IKZF1: variants seen among roughly 807,000 people sequenced by gnomAD.
The protein encoded by IKZF1 is IKAROS family zinc finger 1, also known as DNA-binding protein Ikaros.
Under a neutral mutation model 51.7 loss-of-function variants are expected in IKZF1, and 10 were observed. The ratio of observed to expected loss-of-function variants is 0.19; its 90% CI spans 0.12 to 0.33. The LOEUF (loss-of-function observed/expected upper bound fraction) is 0.33. IKZF1 is among the 10% of genes least tolerant of loss of function. The pLI is 1.00. For synonymous variants in IKZF1, 280 were observed against 282.3 expected, an observed-to-expected ratio of 0.99 and a Z score of 0.08; for missense variants, 484 against 707.5, an observed-to-expected ratio of 0.68 and a Z score of 3.58.
At position 50,372,416 on chromosome 7, in the gene IKZF1, G is replaced by T. The variant is rs139953631; in HGVS notation, c.161-4117G>T. Among the ~76,000 whole-genome samples the T allele has an allele frequency of 7.4e-4, 112 of 152,222 alleles. 5 individuals are homozygous for T. The highest frequency in any genetic ancestry group is 5.1e-4 in the Non-Finnish European group (35 of 68,016). On this transcript the variant is annotated intron_variant, in intron 3 of 7. Transcript: ENST00000331340. Reference sequence around the variant, plus strand: ...GTCTTAGACTTCACCAACCTTTCCCGTCATAACATGGCTTAGAAGTTGTCC... The same window carrying T: ...GTCTTAGACTTCACCAACCTTTCCCTTCATAACATGGCTTAGAAGTTGTCC...
intron 2 of IKZF1, among the ~76,000 whole-genome samples, chr7:50,326,321 G>A (rs780523518): frequency 6.6e-6 from 1 of 152,206 alleles, no homozygotes; most frequent in Non-Finnish European, 1.5e-5. Flanking sequence ...CATTTTGCCT[G>A]TTGCCAGCTC....
chr7:50,342,448 G>A (rs1442170389), intron 3 of IKZF1, among the ~76,000 whole-genome samples: 1 of 152,136 alleles, frequency 6.6e-6, no homozygotes, highest in Admixed American at 6.5e-5. Context: ...AAATGAGGTA[G>A]CTGCTTTATA....
At chr7:50,306,127 A>G (rs1788720502) in intron 1 of IKZF1, among the ~76,000 whole-genome samples, 1 of 152,266 alleles carries the variant, frequency 6.6e-6, no homozygotes, top group South Asian at 2.1e-4. Context: ...GCAAATATTC[A>G]TGACAAGAAG....
In IKZF1 at chr7:50,404,113, A is replaced by G. The variant is rs923526134; in HGVS notation, c.*3486A>G. ...TGGTGCGATGGCACTCACTGTGAAC[A>G]TGTGTAACCACATATTAATATGCAA... On this transcript the variant is annotated 3_prime_UTR_variant, in exon 8 of 8. Transcript: ENST00000331340. The G allele has an allele frequency of 2.8e-5, 6 of 215,058 alleles. No individual in the cohort carries two copies. Among genetic ancestry groups the G allele is most frequent in the African/African-American group, 1.1e-4 (5 of 44,348 alleles). 13.3% of individuals were successfully genotyped at this position (215,058 alleles called of 1,614,324 possible).
intron 1 of IKZF1, among the ~76,000 whole-genome samples, chr7:50,306,689 G>A (rs774183941): frequency 7.9e-5 from 12 of 152,236 alleles, no homozygotes; most frequent in Non-Finnish European, 1.8e-4. Context: ...TAAGATCGCA[G>A]TGAATGTATT....
intron 3 of IKZF1, among the ~76,000 whole-genome samples, chr7:50,373,396 A>G (rs12718785): frequency 0.42 from 63,500 of 152,092 alleles, 14,611 homozygotes; most frequent in Middle Eastern, 0.53. Context: ...AATAGGCCAT[A>G]TGTGCCCATG....
At chr7:50,314,058 G>A (rs1421670371) in intron 1 of IKZF1, among the ~76,000 whole-genome samples, 1 of 152,212 alleles carries the variant, frequency 6.6e-6, no homozygotes, top group Non-Finnish European at 1.5e-5. Context: ...TTGCTTAAAA[G>A]CAAACCAACA....
At position 50,400,384 on chromosome 7, in the gene IKZF1, C is replaced by T. The variant is rs1394003837; in HGVS notation, c.1317C>T (p.Arg439=). 5 of 1,613,150 alleles carry T rather than the reference C, an allele frequency of 3.1e-6. No individual in the cohort carries two copies. In the African/African-American group the frequency reaches 4.0e-5, roughly 13 times the overall value. The change falls in exon 8 of 8, where the codon CGC becomes CGT. Residue 439 remains arginine, a synonymous_variant. Transcript: ENST00000331340. The surrounding 1 kb of genome is among the most constrained non-coding windows in gnomAD (Gnocchi z 5.4). ...KEEHRAYDLL[R]AASENSQDAL... ...AGCACCGCGCCTACGACCTGCTGCGCGCCGCCTCCGAGAACTCGCAGGACG... is the reference window on the plus strand; with the variant it reads ...AGCACCGCGCCTACGACCTGCTGCGTGCCGCCTCCGAGAACTCGCAGGACG...
chr7:50,354,167 G>T (rs578175443), intron 3 of IKZF1, among the ~76,000 whole-genome samples: 77 of 152,356 alleles, frequency 5.1e-4, no homozygotes, highest in Middle Eastern at 3.4e-3. Flanking sequence ...GGTTCTTGCA[G>T]CCTAGGCACC....
chr7:50,395,148 T>A (rs1348255876), intron 7 of IKZF1, among the ~76,000 whole-genome samples: 1 of 152,180 alleles, frequency 6.6e-6, no homozygotes, highest in African/African-American at 2.4e-5. Context: ...AAACCCAACA[T>A]CCAGAAATTA....
At chr7:50,314,649 G>A (rs1194547856) in intron 1 of IKZF1, among the ~76,000 whole-genome samples, 2 of 152,216 alleles carry the variant, frequency 1.3e-5, no homozygotes, top group Non-Finnish European at 2.9e-5. Context: ...TTATGGAAGA[G>A]ACTCCTTGTG....
At chr7:50,326,919 A>T (rs1795170893) in intron 2 of IKZF1, among the ~76,000 whole-genome samples, 1 of 152,244 alleles carries the variant, frequency 6.6e-6, no homozygotes, top group African/African-American at 2.4e-5. Context: ...AAGTGAGCAG[A>T]TGGCAGAATG....
chr7:50,324,825 G>A (rs905180677), intron 2 of IKZF1, among the ~76,000 whole-genome samples: 3 of 152,130 alleles, frequency 2.0e-5, no homozygotes, highest in Non-Finnish European at 4.4e-5. Flanking sequence ...CGGAAAGTAC[G>A]ACATTTCTTC....
intron 3 of IKZF1, among the ~76,000 whole-genome samples, chr7:50,370,502 G>T (rs911321212): frequency 3.3e-5 from 5 of 152,208 alleles, no homozygotes; most frequent in Non-Finnish European, 7.3e-5. Flanking sequence ...CCATACAGGG[G>T]TGTGGGGTCT....
At chr7:50,347,819 G>C (rs1800753230) in intron 3 of IKZF1, among the ~76,000 whole-genome samples, 1 of 152,204 alleles carries the variant, frequency 6.6e-6, no homozygotes, top group Admixed American at 6.5e-5. Context: ...TTCTTAGAAA[G>C]CTTAAGTGAA....
Position 50,325,775 on chromosome 7 carries a change from G to GA in IKZF1, c.41-1849dup, listed in dbSNP as rs200392928. 8.9e-3 allele frequency among the ~76,000 whole-genome samples: 1,234 copies of GA among 138,366 alleles called. 9 individuals carry two copies. The highest frequency in any genetic ancestry group is 0.016 in the South Asian group (69 of 4,358). 90.8% of individuals were successfully genotyped at this position (138,366 alleles called of 152,430 possible). A position where few individuals can be genotyped will look rare whatever the true frequency, so the allele number is the denominator to read the frequency against. ...GGGTGACAGAGCAAGACTCTGTCTCGAAAAAAAAAAAAAATTCTATTTACA... is the reference window on the plus strand; with the variant it reads ...GGGTGACAGAGCAAGACTCTGTCTCGAAAAAAAAAAAAAAATTCTATTTACA... On this transcript the variant is annotated intron_variant, in intron 2 of 7. Coordinates refer to ENST00000331340, the MANE Select transcript of IKZF1 (RefSeq NM_006060.6).
chr7:50,329,688 C>T (rs1300491726), intron 3 of IKZF1, among the ~76,000 whole-genome samples: 1 of 152,194 alleles, frequency 6.6e-6, no homozygotes, highest in East Asian at 1.9e-4. Context: ...GTTCTTCCTG[C>T]TTAACACAGG....
intron 4 of IKZF1, among the ~76,000 whole-genome samples, chr7:50,382,133 G>A (rs1463950738): frequency 1.3e-5 from 2 of 152,028 alleles, no homozygotes; most frequent in Non-Finnish European, 2.9e-5. Context: ...TTTTTATTTT[G>A]CTGCTTCAGT....
rs1815164677 is a variant in IKZF1 at position 50,391,839 on chromosome 7, A to T, written c.826A>T (p.Ser276Cys). 6.2e-7 allele frequency: 1 copy of T among 1,613,574 alleles called. No homozygotes were observed. The highest frequency in any genetic ancestry group is 1.3e-5 in the African/African-American group (1 of 74,908). Residue 276 changes from serine to cysteine, a missense_variant, in exon 7 of 8, where the codon AGC becomes TGC. Around this residue, in one of 6 missense-constraint regions of IKZF1, gnomAD observed 172 missense variants for 192.7 expected, o/e 0.89. Coordinates refer to ENST00000331340, the MANE Select transcript of IKZF1 (RefSeq NM_006060.6). ...RLASNVAKRK[S>C]SMPQKFLGDK... ...AGCAAGTAACGTCGCCAAACGTAAG[A>T]GCTCTATGCCTCAGAAATTTCTTGG... is the stretch of plus-strand genomic sequence containing the variant.
Sources: allele counts gnomAD v4.1 joint callset (sites outside exome capture counted in the v4.1 genomes callset), GRCh38; gene constraint gnomAD v4.1.1; regional missense constraint gnomAD v4.1.1; non-coding constraint Gnocchi (gnomAD v3.1); transcripts MANE v1.5; gene names NCBI Gene and HGNC (gene_info 2026-07-23, HGNC 2026-07-21).